DROSHA: variants seen among roughly 807,000 people sequenced by gnomAD.
DROSHA encodes the protein drosha ribonuclease III, also known as ribonuclease 3.
In DROSHA, 56 loss-of-function variants were observed where a neutral mutation model predicts 181.9. The ratio of observed to expected loss-of-function variants is 0.31; its 90% CI spans 0.25 to 0.38. The LOEUF (loss-of-function observed/expected upper bound fraction) is 0.38, where lower values mean the gene tolerates loss of function less well. Among genes scored for constraint, DROSHA ranks in the 10% least tolerant of loss-of-function variants. The pLI is 1.00. For synonymous variants in DROSHA, 524 were observed against 591.2 expected, an observed-to-expected ratio of 0.89 and a Z score of 1.65; for missense variants, 1,218 against 1,743.5, an observed-to-expected ratio of 0.70 and a Z score of 5.37.
intron 4 of DROSHA, 42 bp from the exon 5 acceptor site, chr5:31,526,954 A>G: frequency 1.3e-6 from 2 of 1,551,860 alleles, no homozygotes; most frequent in Non-Finnish European, 1.7e-6. Flanking sequence ...TTTTTAAAAA[A>G]TAATTCTTAC....
chr5:31,425,879 C>T (rs1472001527), intron 27 of DROSHA, among the ~76,000 whole-genome samples: 1 of 152,076 alleles, frequency 6.6e-6, no homozygotes, highest in Non-Finnish European at 1.5e-5. Flanking sequence ...AATTGTAGGA[C>T]CTACTCAAGC....
chr5:31,432,931 G>A (rs1744347603), intron 25 of DROSHA, among the ~76,000 whole-genome samples: 1 of 152,096 alleles, frequency 6.6e-6, no homozygotes, highest in Non-Finnish European at 1.5e-5. Flanking sequence ...TGAATAAATG[G>A]AAATCATAAT....
chr5:31,531,291 G>A (rs1741337922), intron 2 of DROSHA, among the ~76,000 whole-genome samples, 159 bp downstream of exon 2: 1 of 152,240 alleles, frequency 6.6e-6, no homozygotes, highest in Non-Finnish European at 1.5e-5. Context: ...CTCTTGTACA[G>A]TGTGTAACAA....
At chr5:31,438,936 A>G (rs563650417) in intron 23 of DROSHA, among the ~76,000 whole-genome samples, 1 of 152,254 alleles carries the variant, frequency 6.6e-6, no homozygotes, top group East Asian at 1.9e-4. Context: ...TCCTCCAGCC[A>G]TAGGGAAGAA....
chr5:31,467,676 T>A (rs1305357386), intron 18 of DROSHA: 1 of 189,338 alleles, frequency 5.3e-6, no homozygotes, highest in Non-Finnish European at 1.1e-5. Context: ...TCCTTAAAGT[T>A]TAAAAACATA....
intron 13 of DROSHA, among the ~76,000 whole-genome samples, chr5:31,488,013 A>C (rs13154675): frequency 0.92 from 139,686 of 152,174 alleles, 64,484 homozygotes; most frequent in Non-Finnish European, 0.98. Context: ...TAAATACAAA[A>C]AGAATACAAT....
intron 30 of DROSHA, among the ~76,000 whole-genome samples, chr5:31,418,050 C>T (rs569739043): frequency 6.6e-6 from 1 of 152,266 alleles, no homozygotes; most frequent in East Asian, 1.9e-4. Flanking sequence ...AGGATACATC[C>T]AGGAGACACC....
intron 16 of DROSHA, among the ~76,000 whole-genome samples, chr5:31,475,981 C>T (rs568771109): frequency 6.6e-6 from 1 of 152,144 alleles, no homozygotes; most frequent in Non-Finnish European, 1.5e-5. Flanking sequence ...CTTAAGACTA[C>T]AAACCAAGAC....
Position 31,448,557 on chromosome 5 carries a change from T to C in DROSHA, c.2872A>G (p.Thr958Ala). The C allele has an allele frequency of 1.2e-6, 2 of 1,613,526 alleles. No individual in the cohort carries two copies. Among genetic ancestry groups the C allele is most frequent in the Non-Finnish European group, 8.5e-7 (1 of 1,179,574 alleles). The change falls in exon 23 of 36, where the codon ACT (threonine) becomes GCT (alanine). Residue 958 changes from threonine to alanine, a missense_variant. Around this residue, in one of 8 missense-constraint regions of DROSHA, gnomAD observed 460 missense variants for 774.2 expected, o/e 0.59. Transcript: ENST00000344624. ...AAAAATCAACTTTACCTCGAGGGAG[T>C]TGGGTCATCTTGGCCAAGGCGTGAC... ...IMSRLGQDDP[T>A]PSRINHNERL...
rs201070897 is a variant in DROSHA at position 31,456,495 on chromosome 5, G to C, written c.2575-4855C>G. On this transcript the variant is annotated intron_variant, in intron 20 of 35. Coordinates refer to ENST00000344624, the MANE Select transcript of DROSHA (RefSeq NM_001382508.1). Reference sequence around the variant, plus strand: ...ACACACACACACACACACACACACAGACACACACACACAGAGAGAGGAAGA... The same window carrying C: ...ACACACACACACACACACACACACACACACACACACACAGAGAGAGGAAGA... Among the ~76,000 whole-genome samples, 42 of 89,644 alleles carry C rather than the reference G, an allele frequency of 4.7e-4. No individual in the cohort carries two copies. The South Asian group carries it at 8.5e-3, about 18-fold the overall frequency. 58.8% of individuals were successfully genotyped at this position (89,644 alleles called of 152,430 possible).
intron 8 of DROSHA, among the ~76,000 whole-genome samples, chr5:31,513,451 G>A (rs1264785906): frequency 6.6e-6 from 1 of 152,176 alleles, no homozygotes; most frequent in Non-Finnish European, 1.5e-5. Flanking sequence ...CTTGCCAGGG[G>A]TGTTTTCAGG....
intron 6 of DROSHA, among the ~76,000 whole-genome samples, chr5:31,516,020 C>T (rs1167422125): frequency 6.6e-6 from 1 of 152,196 alleles, no homozygotes; most frequent in Non-Finnish European, 1.5e-5. Context: ...CTTTGGAAGG[C>T]CGAGGCGGGA....
chr5:31,490,539 A>G (rs905968277), intron 13 of DROSHA, among the ~76,000 whole-genome samples: 4 of 152,172 alleles, frequency 2.6e-5, no homozygotes, highest in African/African-American at 9.7e-5. Flanking sequence ...ACAATAACAA[A>G]TGTACTACAT....
chr5:31,449,213 G>T (rs1397852967), intron 22 of DROSHA, 68 bp downstream of exon 22: 6 of 1,584,476 alleles, frequency 3.8e-6, no homozygotes, highest in South Asian at 1.1e-5. Context: ...TCCTAGAGGC[G>T]AAATAATTTA....
At chr5:31,451,179 G>A (rs1746980432) in intron 21 of DROSHA, among the ~76,000 whole-genome samples, 1 of 151,982 alleles carries the variant, frequency 6.6e-6, no homozygotes, top group Admixed American at 6.6e-5. Flanking sequence ...TCCAGCCTGG[G>A]AAACAAGAGC....
chr5:31,423,732 C>T (rs903682170), intron 28 of DROSHA, among the ~76,000 whole-genome samples: 2 of 152,066 alleles, frequency 1.3e-5, no homozygotes, highest in Admixed American at 1.3e-4. Flanking sequence ...CCACTTCTTA[C>T]ATTTATTTTA....
chr5:31,422,923 G>C lies in DROSHA; in HGVS notation c.3283C>G (p.Arg1095Gly). Reference sequence around the variant, plus strand: ...ACTGGAGAAGTTTCAATAAGTTGTCGATCAGTATTTGGCTCTTGTAGCTAC... The same window carrying C: ...ACTGGAGAAGTTTCAATAAGTTGTCCATCAGTATTTGGCTCTTGTAGCTAC... ...PLQLQEPNTD[R>G]QLIETSPVLQ... Residue 1095 changes from arginine (R) to glycine (G), a missense_variant, in exon 29 of 36, where the codon CGA becomes GGA. Around this residue, in one of 8 missense-constraint regions of DROSHA, gnomAD observed 71 missense variants for 95.2 expected, o/e 0.75. Coordinates refer to ENST00000344624, the MANE Select transcript of DROSHA (RefSeq NM_001382508.1). 1 of 1,607,218 alleles carries C rather than the reference G, an allele frequency of 6.2e-7. No homozygotes were observed. Among genetic ancestry groups the C allele is most frequent in the Non-Finnish European group, 8.5e-7 (1 of 1,176,940 alleles).
intron 4 of DROSHA, among the ~76,000 whole-genome samples, chr5:31,527,331 C>G (rs74692767): frequency 1.3e-5 from 2 of 152,196 alleles, no homozygotes; most frequent in African/African-American, 4.8e-5. Flanking sequence ...TTACCACCCC[C>G]CCTCTGCAAT....
intron 21 of DROSHA, among the ~76,000 whole-genome samples, chr5:31,449,716 G>A (rs953261415): frequency 4.6e-5 from 7 of 152,128 alleles, no homozygotes; most frequent in Non-Finnish European, 1.0e-4. Context: ...GACAGAGGGA[G>A]ACCCTGTCTC....
Sources: allele counts gnomAD v4.1 joint callset (sites outside exome capture counted in the v4.1 genomes callset), GRCh38; gene constraint gnomAD v4.1.1; regional missense constraint gnomAD v4.1.1; transcripts MANE v1.5; gene names NCBI Gene and HGNC (gene_info 2026-07-23, HGNC 2026-07-21).